The following EFHD1 variants were observed in gnomAD, a reference collection of about 807,000 sequenced individuals.
The protein encoded by EFHD1 is EF-hand domain family member D1.
A neutral mutation model predicts 17.2 loss-of-function variants in EFHD1; 10 were observed. The observed-to-expected ratio is 0.58, with a 90% CI of 0.36 to 0.99. The LOEUF (loss-of-function observed/expected upper bound fraction) is 0.99. Ranked by LOEUF, EFHD1 falls within the 50% of genes least tolerant of loss-of-function variation. The pLI is 0.01. For missense variants in EFHD1, 310 were observed against 327.5 expected (o/e 0.95, Z 0.41); for synonymous variants, 153 against 142.0 (o/e 1.08, Z -0.55).
Position 232,656,058 on chromosome 2 carries a change from G to C in EFHD1, c.303-6744G>C, listed in dbSNP as rs564570082. On this transcript the variant is annotated intron_variant, in intron 1 of 3. Transcript: ENST00000264059. The stretch of plus-strand genomic sequence containing the variant: ...CCTGACCGCGTGATCCACCCACCTC[G>C]GCCTCCCAAAGTGCTGGGATTACAG... Among the ~76,000 whole-genome samples, 9 of 151,798 alleles carry C rather than the reference G, an allele frequency of 5.9e-5. No homozygotes were observed. In the East Asian group the frequency reaches 1.7e-3, roughly 29 times the overall value.
At chr2:232,618,936 A>G (rs983661545) in intron 1 of EFHD1, among the ~76,000 whole-genome samples, 64 of 151,714 alleles carry the variant, frequency 4.2e-4, no homozygotes, top group African/African-American at 1.4e-3. Flanking sequence ...CTGAGGTCAG[A>G]AGTTTGAGAC....
At chr2:232,656,102 G>A (rs1258632967) in intron 1 of EFHD1, among the ~76,000 whole-genome samples, 1 of 151,668 alleles carries the variant, frequency 6.6e-6, no homozygotes, top group Admixed American at 6.6e-5. Context: ...CACCGTGCCC[G>A]GCCTGTGTGG....
At chr2:232,661,249 T>A (rs775462948) in intron 1 of EFHD1, among the ~76,000 whole-genome samples, 13 of 152,102 alleles carry the variant, frequency 8.5e-5, no homozygotes, top group Non-Finnish European at 1.6e-4. Context: ...ATCACCACCA[T>A]CCATCGCCAG....
chr2:232,628,933 GC>G (rs1694153192), upstream of EFHD1, among the ~76,000 whole-genome samples: 1 of 152,284 alleles, frequency 6.6e-6, no homozygotes, highest in South Asian at 2.1e-4. Context: ...TACCCTTGGA[GC>G]CTAGTGACCA....
intron 1 of EFHD1, among the ~76,000 whole-genome samples, chr2:232,635,575 C>T (rs543022600): frequency 3.9e-5 from 6 of 152,222 alleles, no homozygotes; most frequent in African/African-American, 1.4e-4. Flanking sequence ...TCCCAGCACT[C>T]TGGGAGGACG....
upstream of EFHD1, among the ~76,000 whole-genome samples, chr2:232,633,022 GCTCT>G (rs958285429): frequency 3.3e-5 from 5 of 152,238 alleles, no homozygotes; most frequent in Admixed American, 2.0e-4. Context: ...CTGCTCGTTT[GCTCT>G]CTCTCTTTTT....
chr2:232,607,784 ATT>A (rs36119913), intron 1 of EFHD1, among the ~76,000 whole-genome samples: 48 of 147,060 alleles, frequency 3.3e-4, no homozygotes, highest in South Asian at 6.5e-4. Flanking sequence ...ACAGGCTAAA[ATT>A]TTTTTTTTTT....
chr2:232,612,738 TTTTTTTTTTTTTG>T, intron 1 of EFHD1, among the ~76,000 whole-genome samples: 1 of 150,112 alleles, frequency 6.7e-6, no homozygotes, highest in Non-Finnish European at 1.5e-5. Context: ...TCTTTTCTTT[TTTTTTTTTTTTTG>T]AGATGGAGTC....
chr2:232,618,596 T>C (rs10206732), intron 1 of EFHD1, among the ~76,000 whole-genome samples: 67,147 of 151,118 alleles, frequency 0.44, 15,558 homozygotes, highest in Middle Eastern at 0.61. Flanking sequence ...GTGGCATGCA[T>C]CTTGTAGTCC....
intron 1 of EFHD1, among the ~76,000 whole-genome samples, chr2:232,651,966 G>A (rs2106204731): frequency 6.6e-6 from 1 of 152,202 alleles, no homozygotes; most frequent in Middle Eastern, 3.4e-3. Flanking sequence ...ACCCAGCCTG[G>A]GGCAGAGCTG....
At chr2:232,623,737 G>T (rs986594814) in intron 1 of EFHD1, among the ~76,000 whole-genome samples, 12 of 142,786 alleles carry the variant, frequency 8.4e-5, no homozygotes, top group Non-Finnish European at 1.9e-4. Context: ...AGAAAAAAAA[G>T]AAATAGCTCA....
At chr2:232,638,598 T>C in intron 1 of EFHD1, 1 of 372,764 alleles carries the variant, frequency 2.7e-6, no homozygotes, top group Non-Finnish European at 5.4e-6. Flanking sequence ...TTTGGAAGGC[T>C]GGGAATTTTC....
intron 1 of EFHD1, among the ~76,000 whole-genome samples, chr2:232,662,264 G>A (rs940663327): frequency 1.3e-5 from 2 of 152,208 alleles, no homozygotes; most frequent in Admixed American, 1.3e-4. Context: ...GAACCAGAGG[G>A]GAATCATGAG....
intron 1 of EFHD1, among the ~76,000 whole-genome samples, chr2:232,609,881 G>A (rs1323050243): frequency 6.6e-6 from 1 of 152,230 alleles, no homozygotes; most frequent in Admixed American, 6.5e-5. Context: ...GCTCCTCCGG[G>A]TCTCCTTTCT....
chr2:232,668,202 AAATTGT>A (rs1695001299), intron 2 of EFHD1, among the ~76,000 whole-genome samples: 1 of 152,246 alleles, frequency 6.6e-6, no homozygotes, highest in East Asian at 1.9e-4. Flanking sequence ...GCAGTTGGAT[AAATTGT>A]CATTTAGGGC....
rs939117773 is a variant in EFHD1, at chr2:232,611,310, G to A, written c.14+5137G>A. 1.1e-3 allele frequency among the ~76,000 whole-genome samples: 16 copies of A among 15,156 alleles called. No individual in the cohort carries two copies. In the African/African-American group the frequency reaches 0.011, roughly 11 times the overall value. 9.9% of individuals were successfully genotyped at this position (15,156 alleles called of 152,430 possible). A position where few individuals can be genotyped will look rare whatever the true frequency, so the allele number is the denominator to read the frequency against. ...ATAGAACAAGCATCCTGGGGGTCGG[G>A]GGGGGGGCATCCCGATTAGAAAATG... On this transcript the variant is annotated intron_variant, in intron 1 of 3. Coordinates refer to the EFHD1 transcript ENST00000409613.
At chr2:232,660,268 T>C (rs574402466) in intron 1 of EFHD1, among the ~76,000 whole-genome samples, 21 of 152,066 alleles carry the variant, frequency 1.4e-4, no homozygotes, top group East Asian at 7.7e-4. Context: ...GACCTCGGCT[T>C]ACTGCAAGCT....
chr2:232,637,591 G>A (rs1445503989), intron 1 of EFHD1, among the ~76,000 whole-genome samples: 1 of 152,034 alleles, frequency 6.6e-6, no homozygotes, highest in South Asian at 2.1e-4. Context: ...TGATCCACCC[G>A]CCTCAGCCTC....
At chr2:232,681,208 A>G (rs541234146) in intron 3 of EFHD1, among the ~76,000 whole-genome samples, 1 of 152,166 alleles carries the variant, frequency 6.6e-6, no homozygotes, top group African/African-American at 2.4e-5. Context: ...CCATCAGGGG[A>G]TTCATTTTGG....
Sources: gnomAD v4.1 joint callset for allele counts (sites outside exome capture counted in the v4.1 genomes callset) on GRCh38, gnomAD v4.1.1 for gene constraint, MANE v1.5 for transcripts, NCBI Gene and HGNC (gene_info 2026-07-23, HGNC 2026-07-21) for gene names.